GABRB2: variants seen among roughly 807,000 people sequenced by gnomAD.
GABRB2 encodes gamma-aminobutyric acid receptor subunit beta-2.
A neutral mutation model predicts 54.7 loss-of-function variants in GABRB2; 16 were observed. That is an observed-to-expected ratio of 0.29 (90% confidence interval 0.20 to 0.44). The LOEUF is 0.44. GABRB2 is among the 20% of genes least tolerant of loss of function. GABRB2 has a pLI of 1.00. For synonymous variants in GABRB2, 244 were observed against 233.8 expected, an observed-to-expected ratio of 1.04 and a Z score of -0.40; for missense variants, 355 against 644.0, an observed-to-expected ratio of 0.55 and a Z score of 4.86.
chr5:161,355,374 A>T (rs1277093316), intron 5 of GABRB2, among the ~76,000 whole-genome samples: 2 of 149,300 alleles, frequency 1.3e-5, no homozygotes, highest in African/African-American at 4.9e-5. Flanking sequence ...ATAACAATAT[A>T]TAATGATGTC....
intron 5 of GABRB2, among the ~76,000 whole-genome samples, chr5:161,343,188 T>A (rs1243900043): frequency 6.6e-6 from 1 of 152,066 alleles, no homozygotes; most frequent in Non-Finnish European, 1.5e-5. Flanking sequence ...TATTCTTCAC[T>A]CTGCTCTTTA....
chr5:161,316,945 C>T (rs1017758150), intron 9 of GABRB2, among the ~76,000 whole-genome samples: 2 of 152,020 alleles, frequency 1.3e-5, no homozygotes, highest in African/African-American at 4.8e-5. Flanking sequence ...TCACTAGAAA[C>T]GTTTAATGTG....
At chr5:161,334,640 A>T in intron 7 of GABRB2, 112 bp downstream of exon 7, 2 of 1,011,386 alleles carry the variant, frequency 2.0e-6, no homozygotes, top group South Asian at 1.6e-5. Context: ...ACAGTGTGAG[A>T]GGTTCAGTTG....
rs148152143 is a variant in GABRB2 at position 161,475,947 on chromosome 5, C to T, written c.238-16103G>A. ...TTTAGCACAGCCCTAGAAAGTCTAG[C>T]CAGAGCAAATAGGAATGAAAAGACA... On this transcript the variant is annotated intron_variant, in intron 3 of 9. Transcript: ENST00000393959. 1.1e-3 allele frequency among the ~76,000 whole-genome samples: 167 copies of T among 151,828 alleles called. 1 individual carries two copies. Among genetic ancestry groups the T allele is most frequent in the Non-Finnish European group, 9.1e-4 (62 of 67,854 alleles).
chr5:161,427,077 T>TA (rs1171642508), intron 4 of GABRB2, among the ~76,000 whole-genome samples: 1 of 152,148 alleles, frequency 6.6e-6, no homozygotes, highest in African/African-American at 2.4e-5. Flanking sequence ...CTCTTTCTCT[T>TA]AAAAAATAAA....
At position 161,297,768 on chromosome 5, in the gene GABRB2, A is replaced by G. The variant is rs185756865; in HGVS notation, c.1192-3340T>C. ...ATGTGTGCATGTGTCTTTATAGTAG[A>G]ATGATTTATATTCTTTTGAGTATAT... is the stretch of plus-strand genomic sequence containing the variant. On this transcript the variant is annotated intron_variant, in intron 9 of 9. Coordinates refer to ENST00000393959, the MANE Select transcript of GABRB2 (RefSeq NM_001371727.1). Among the ~76,000 whole-genome samples the G allele has an allele frequency of 2.0e-5, 3 of 152,192 alleles. No individual in the cohort carries two copies. In the East Asian group the frequency reaches 5.8e-4, roughly 29 times the overall value.
intron 3 of GABRB2, among the ~76,000 whole-genome samples, chr5:161,505,447 C>T (rs1265895075): frequency 6.6e-6 from 1 of 151,868 alleles, no homozygotes; most frequent in African/African-American, 2.4e-5. Flanking sequence ...TTTCTTGAGA[C>T]CAGCAAAAAC....
intron 3 of GABRB2, among the ~76,000 whole-genome samples, chr5:161,511,737 C>G (rs1759774763): frequency 6.6e-6 from 1 of 151,932 alleles, no homozygotes; most frequent in African/African-American, 2.4e-5. Context: ...CCAGACCTCT[C>G]TCCTAGGCTC....
intron 3 of GABRB2, among the ~76,000 whole-genome samples, chr5:161,516,824 A>G (rs1480281876): frequency 6.6e-6 from 1 of 152,218 alleles, no homozygotes; most frequent in Non-Finnish European, 1.5e-5. Flanking sequence ...TGCTATCAGT[A>G]TCCCAGGTGA....
intron 5 of GABRB2, among the ~76,000 whole-genome samples, chr5:161,360,994 G>A (rs751569579): frequency 5.3e-5 from 8 of 151,748 alleles, no homozygotes; most frequent in Non-Finnish European, 8.8e-5. Flanking sequence ...TGGGTAGCAC[G>A]GTGAGACCCC....
At chr5:161,356,241 A>C (rs572562294) in intron 5 of GABRB2, among the ~76,000 whole-genome samples, 1 of 152,324 alleles carries the variant, frequency 6.6e-6, no homozygotes, top group East Asian at 1.9e-4. Context: ...GATATATTGT[A>C]GTAAGAAACC....
At position 161,344,746 on chromosome 5, in the gene GABRB2, T is replaced by A. The variant is rs186220070; in HGVS notation, c.542-7977A>T. On this transcript the variant is annotated intron_variant, in intron 5 of 9. Transcript: ENST00000393959. Reference sequence around the variant, plus strand: ...TCTACTATAAAGACACATGTACGCATATGTTTATTGCAGCACTGTACCCAA... The same window carrying A: ...TCTACTATAAAGACACATGTACGCAAATGTTTATTGCAGCACTGTACCCAA... Among the ~76,000 whole-genome samples, 283 of 152,216 alleles carry A rather than the reference T, an allele frequency of 1.9e-3. 2 individuals are homozygous for A. Among genetic ancestry groups the A allele is most frequent in the South Asian group, 3.5e-3 (17 of 4,824 alleles).
chr5:161,431,832 C>T (rs773613113), intron 4 of GABRB2, among the ~76,000 whole-genome samples: 24 of 152,082 alleles, frequency 1.6e-4, no homozygotes, highest in African/African-American at 2.9e-4. Flanking sequence ...CCGGATAACA[C>T]GGTTTTATAT....
intron 5 of GABRB2, among the ~76,000 whole-genome samples, chr5:161,375,648 T>G (rs1755271240): frequency 6.6e-6 from 1 of 152,244 alleles, no homozygotes; most frequent in Non-Finnish European, 1.5e-5. Flanking sequence ...GCACCAGCAC[T>G]ATCTTTCTAG....
At chr5:161,325,389 C>T (rs1758332608) in intron 9 of GABRB2, among the ~76,000 whole-genome samples, 1 of 152,042 alleles carries the variant, frequency 6.6e-6, no homozygotes, top group South Asian at 2.1e-4. Context: ...TACTATATAA[C>T]ACAAGTAATG....
chr5:161,289,903 C>T lies in GABRB2; in HGVS notation c.*4178G>A, dbSNP rs1163548787. On this transcript the variant is annotated 3_prime_UTR_variant, in exon 10 of 10. Coordinates refer to ENST00000393959, the MANE Select transcript of GABRB2 (RefSeq NM_001371727.1). The stretch of plus-strand genomic sequence containing the variant: ...TATGCAAAAGGGTGTTTAAATTACT[C>T]TGCTGGGGGCACTGCAGTAATAGTA... 1 of 151,880 alleles carries T rather than the reference C, an allele frequency of 6.6e-6. No homozygotes were observed. The highest frequency in any genetic ancestry group is 2.4e-5 in the African/African-American group (1 of 41,354). 9.4% of individuals were successfully genotyped at this position (151,880 alleles called of 1,614,324 possible). A position where few individuals can be genotyped will look rare whatever the true frequency, so the allele number is the denominator to read the frequency against.
intron 5 of GABRB2, among the ~76,000 whole-genome samples, chr5:161,354,965 A>C (rs948101085): frequency 5.3e-5 from 8 of 151,864 alleles, no homozygotes; most frequent in African/African-American, 1.7e-4. Flanking sequence ...AAACACAAAG[A>C]GCTCATTTTT....
intron 9 of GABRB2, among the ~76,000 whole-genome samples, chr5:161,305,077 C>T (rs977464094): frequency 3.6e-5 from 5 of 139,200 alleles, no homozygotes; most frequent in African/African-American, 5.4e-5. Context: ...ACTGCAGTGG[C>T]GCAATCTCGG....
At chr5:161,512,439 C>A (rs1434158740) in intron 3 of GABRB2, among the ~76,000 whole-genome samples, 2 of 151,908 alleles carry the variant, frequency 1.3e-5, no homozygotes, top group East Asian at 3.9e-4. Context: ...CTGATTTTGA[C>A]AAAGTCAATG....
Sources: allele counts gnomAD v4.1 joint callset (sites outside exome capture counted in the v4.1 genomes callset), GRCh38; gene constraint gnomAD v4.1.1; transcripts MANE v1.5; gene names NCBI Gene and HGNC (gene_info 2026-07-23, HGNC 2026-07-21).